The following DLG2 variants were observed in gnomAD, a reference collection of about 807,000 sequenced individuals.
DLG2 encodes the protein disks large homolog 2.
Under a neutral mutation model 132.5 loss-of-function variants are expected in DLG2, and 45 were observed. The observed-to-expected ratio is 0.34, with a 90% CI of 0.27 to 0.44. The LOEUF (loss-of-function observed/expected upper bound fraction) is 0.44, where lower values mean the gene tolerates loss of function less well. DLG2 is among the 20% of genes least tolerant of loss of function. DLG2 has a pLI of 1.00. For missense variants in DLG2, 1,045 were observed against 1,196.9 expected, an observed-to-expected ratio of 0.87 and a Z score of 1.87; for synonymous variants, 424 against 419.6, an observed-to-expected ratio of 1.01 and a Z score of -0.13.
chr11:83,521,968 A>G (rs1196347129), intron 21 of DLG2, among the ~76,000 whole-genome samples: 1 of 152,118 alleles, frequency 6.6e-6, no homozygotes, highest in African/African-American at 2.4e-5. Flanking sequence ...GCTCCCCAGT[A>G]CCCAAAGAAG....
At chr11:84,641,128 C>G (rs932727095) in intron 6 of DLG2, among the ~76,000 whole-genome samples, 3 of 152,126 alleles carry the variant, frequency 2.0e-5, no homozygotes. Context: ...GTTAACAGTA[C>G]AGTAGTTAAG....
At chr11:84,918,571 G>C (rs1304731159) in intron 6 of DLG2, among the ~76,000 whole-genome samples, 1 of 152,118 alleles carries the variant, frequency 6.6e-6, no homozygotes, top group African/African-American at 2.4e-5. Context: ...AATAAACCTG[G>C]TGAAAATTAG....
intron 8 of DLG2, among the ~76,000 whole-genome samples, chr11:84,193,315 T>A (rs185395056): frequency 3.1e-4 from 47 of 152,306 alleles, no homozygotes; most frequent in African/African-American, 1.0e-3. Context: ...TCACCTGGTG[T>A]TAGACTGGAC....
rs139692479 is a variant in DLG2, at chr11:83,738,268, C to T, written c.1825+48422G>A. On this transcript the variant is annotated intron_variant, in intron 18 of 27. Transcript: ENST00000376104. Reference sequence around the variant, plus strand: ...CCCACATCAGCAACCACTCACTGTCCACAGTAATGCTGACATTTACCAATT... The same window carrying T: ...CCCACATCAGCAACCACTCACTGTCTACAGTAATGCTGACATTTACCAATT... Among the ~76,000 whole-genome samples the T allele has an allele frequency of 9.2e-5, 14 of 152,224 alleles. No homozygotes were observed. The East Asian group carries it at 2.1e-3, about 23-fold the overall frequency.
chr11:84,694,715 C>T (rs1255259619), intron 6 of DLG2, among the ~76,000 whole-genome samples: 1 of 151,470 alleles, frequency 6.6e-6, no homozygotes, highest in Admixed American at 6.6e-5. Context: ...GGTCATGTAA[C>T]CTGATTTTGA....
At chr11:85,279,954 T>C (rs2078128907) in intron 4 of DLG2, among the ~76,000 whole-genome samples, 1 of 152,078 alleles carries the variant, frequency 6.6e-6, no homozygotes, top group Admixed American at 6.6e-5. Context: ...GATGGTGAGA[T>C]TTTCTTATAT....
chr11:85,267,222 A>G (rs1307895657), intron 4 of DLG2, among the ~76,000 whole-genome samples: 1 of 152,230 alleles, frequency 6.6e-6, no homozygotes, highest in African/African-American at 2.4e-5. Flanking sequence ...GTTCTCTGCT[A>G]TGTGAAGGTA....
chr11:84,359,720 A>G (rs566804530), intron 7 of DLG2, among the ~76,000 whole-genome samples: 114 of 151,548 alleles, frequency 7.5e-4, no homozygotes, highest in African/African-American at 2.7e-3. Context: ...TCAATGAGTG[A>G]GGGATAAAAT....
At chr11:83,985,745 T>A (rs543797169) in intron 11 of DLG2, among the ~76,000 whole-genome samples, 1 of 152,158 alleles carries the variant, frequency 6.6e-6, no homozygotes, top group Non-Finnish European at 1.5e-5. Flanking sequence ...ATTTTCTACA[T>A]CCAGTCTATC....
At chr11:84,451,506 C>G (rs1335809575) in intron 7 of DLG2, among the ~76,000 whole-genome samples, 3 of 151,754 alleles carry the variant, frequency 2.0e-5, no homozygotes, top group African/African-American at 7.2e-5. Flanking sequence ...TCATGATATG[C>G]TAAGTTTTAG....
intron 3 of DLG2, among the ~76,000 whole-genome samples, chr11:85,310,462 C>G (rs1014900024): frequency 1.8e-4 from 27 of 152,166 alleles, no homozygotes; most frequent in African/African-American, 6.5e-4. Context: ...CCAATCCTGA[C>G]TTATAAGAAG....
intron 10 of DLG2, among the ~76,000 whole-genome samples, chr11:84,060,324 T>A: frequency 6.6e-6 from 1 of 151,678 alleles, no homozygotes. Flanking sequence ...AAAAAGAAAA[T>A]AATAATAATA....
chr11:84,244,155 C>T (rs2097271046), intron 8 of DLG2, among the ~76,000 whole-genome samples: 1 of 152,112 alleles, frequency 6.6e-6, no homozygotes. Context: ...ACTGACGCAT[C>T]CCAGACCTAG....
Position 84,779,883 on chromosome 11 carries a change from T to C in DLG2, c.358-245152A>G, listed in dbSNP as rs563568052. 5.9e-5 allele frequency among the ~76,000 whole-genome samples: 8 copies of C among 134,750 alleles called. No individual in the cohort carries two copies. In the East Asian group the frequency reaches 1.4e-3, roughly 23 times the overall value. 88.4% of individuals were successfully genotyped at this position (134,750 alleles called of 152,430 possible). On this transcript the variant is annotated intron_variant, in intron 6 of 27. Transcript: ENST00000376104. ...TAAGATAGGATCAATAACAAAACAA[T>C]CTCTCAACAAAAAAAAAAGCCCAGG... is the stretch of plus-strand genomic sequence containing the variant.
intron 27 of DLG2, among the ~76,000 whole-genome samples, chr11:83,460,576 C>T (rs1308913187): frequency 6.6e-6 from 1 of 152,146 alleles, no homozygotes; most frequent in Non-Finnish European, 1.5e-5. Flanking sequence ...AGTTGTGTAT[C>T]TCCTAAAACA....
intron 7 of DLG2, among the ~76,000 whole-genome samples, chr11:84,260,296 A>G (rs948593267): frequency 1.3e-5 from 2 of 152,096 alleles, no homozygotes; most frequent in African/African-American, 2.4e-5. Flanking sequence ...TCTTCACTTT[A>G]TAAGTTTTTT....
At chr11:84,644,938 A>C (rs1264189141) in intron 6 of DLG2, among the ~76,000 whole-genome samples, 1 of 152,178 alleles carries the variant, frequency 6.6e-6, no homozygotes, top group East Asian at 1.9e-4. Flanking sequence ...CTGCAGTGCT[A>C]AAGAAACACA....
Position 84,084,304 on chromosome 11 carries a change from T to A in DLG2, c.749+14619A>T, listed in dbSNP as rs982782952. Among the ~76,000 whole-genome samples, 4 of 152,296 alleles carry A rather than the reference T, an allele frequency of 2.6e-5. No individual in the cohort carries two copies. The East Asian group carries it at 7.7e-4, about 29-fold the overall frequency. ...TTTCCTGGTGTAGAAATTTGAGAAT[T>A]CTAAAAAGTTTATATTCTAACTTGG... On this transcript the variant is annotated intron_variant, in intron 10 of 27. Coordinates refer to ENST00000376104, the MANE Select transcript of DLG2 (RefSeq NM_001142699.3).
chr11:84,410,574 C>CTTTTTT (rs367980167), intron 7 of DLG2, among the ~76,000 whole-genome samples: 13 of 109,090 alleles, frequency 1.2e-4, no homozygotes, highest in East Asian at 5.5e-4. Flanking sequence ...ACCACATAAA[C>CTTTTTT]TTTTTTTTTT....
Sources: gnomAD v4.1 joint callset for allele counts (sites outside exome capture counted in the v4.1 genomes callset) on GRCh38, gnomAD v4.1.1 for gene constraint, MANE v1.5 for transcripts, NCBI Gene and HGNC (gene_info 2026-07-23, HGNC 2026-07-21) for gene names.